MACROD2: variants seen among roughly 807,000 people sequenced by gnomAD.
MACROD2 encodes mono-ADP ribosylhydrolase 2.
Under a neutral mutation model 70.4 loss-of-function variants are expected in MACROD2, and 36 were observed. The observed-to-expected ratio is 0.51, with a 90% CI of 0.39 to 0.68. MACROD2 has a LOEUF of 0.68. Ranked by LOEUF, MACROD2 falls within the 30% of genes least tolerant of loss-of-function variation. The pLI, the probability that MACROD2 is intolerant of heterozygous loss-of-function variation, is 0.00. For missense variants in MACROD2, 496 were observed against 538.4 expected (o/e 0.92, Z 0.78); for synonymous variants, 172 against 178.8 (o/e 0.96, Z 0.30).
chr20:14,438,558 G>A (rs1018547202), intron 3 of MACROD2, among the ~76,000 whole-genome samples: 8 of 152,120 alleles, frequency 5.3e-5, no homozygotes, highest in African/African-American at 1.4e-4. Flanking sequence ...TTTTCTCCAC[G>A]CCCTTACCAA....
chr20:15,544,004 G>A (rs928388433), intron 8 of MACROD2, among the ~76,000 whole-genome samples: 4 of 152,330 alleles, frequency 2.6e-5, no homozygotes, highest in South Asian at 2.1e-4. Flanking sequence ...GCTGAGCACA[G>A]CATCAAGGGG....
chr20:14,398,339 T>C (rs2083601893), intron 3 of MACROD2, among the ~76,000 whole-genome samples: 1 of 152,044 alleles, frequency 6.6e-6, no homozygotes, highest in Non-Finnish European at 1.5e-5. Context: ...TTTTCTATAA[T>C]GGCCATACTA....
intron 4 of MACROD2, among the ~76,000 whole-genome samples, chr20:14,507,523 G>A (rs1205125347): frequency 1.3e-5 from 2 of 152,114 alleles, no homozygotes; most frequent in Non-Finnish European, 2.9e-5. Flanking sequence ...AAATGGCCAA[G>A]TTAATGTTAT....
At chr20:15,379,227 G>A (rs763867715) in intron 6 of MACROD2, among the ~76,000 whole-genome samples, 17 of 152,250 alleles carry the variant, frequency 1.1e-4, no homozygotes, top group Admixed American at 4.6e-4. Flanking sequence ...CTAAAGTTTA[G>A]GAAGTGGATA....
chr20:15,203,205 A>C (rs760574016), intron 5 of MACROD2, among the ~76,000 whole-genome samples: 1 of 152,204 alleles, frequency 6.6e-6, no homozygotes, highest in Non-Finnish European at 1.5e-5. Flanking sequence ...CAAATCTTAC[A>C]TCGCAAATTA....
intron 8 of MACROD2, among the ~76,000 whole-genome samples, chr20:15,621,333 C>G (rs554285053): frequency 2.4e-4 from 37 of 152,192 alleles, no homozygotes; most frequent in Non-Finnish European, 5.0e-4. Context: ...AAGTTCCTAA[C>G]TAGCCATAGC....
intron 2 of MACROD2, among the ~76,000 whole-genome samples, chr20:14,067,123 G>GTTTTTTTTTTTT (rs544348706): frequency 1.2e-5 from 1 of 85,048 alleles, no homozygotes; most frequent in African/African-American, 4.7e-5. Flanking sequence ...ATTTTTTAGT[G>GTTTTTTTTTTTT]TTTTTTTTTT....
intron 13 of MACROD2, among the ~76,000 whole-genome samples, chr20:15,983,177 C>G (rs1001369781): frequency 6.6e-6 from 1 of 152,146 alleles, no homozygotes; most frequent in African/African-American, 2.4e-5. Context: ...TGACTTAAAT[C>G]CTGTAACTAT....
chr20:15,131,833 C>T (rs2076107897), intron 5 of MACROD2, among the ~76,000 whole-genome samples: 1 of 151,728 alleles, frequency 6.6e-6, no homozygotes, highest in African/African-American at 2.4e-5. Flanking sequence ...GAATGTAAAA[C>T]ATAAGAAGTT....
chr20:15,309,028 T>C (rs542016841), intron 6 of MACROD2, among the ~76,000 whole-genome samples: 2 of 152,328 alleles, frequency 1.3e-5, no homozygotes, highest in East Asian at 3.9e-4. Context: ...CAAAGCAATG[T>C]GGTAACAGGC....
intron 8 of MACROD2, among the ~76,000 whole-genome samples, chr20:15,672,234 T>C (rs1354573300): frequency 1.3e-5 from 2 of 152,104 alleles, no homozygotes; most frequent in Non-Finnish European, 2.9e-5. Flanking sequence ...TATATTAGCT[T>C]TGGATCCAGG....
At chr20:14,762,218 A>C (rs771835576) in intron 5 of MACROD2, among the ~76,000 whole-genome samples, 3 of 152,068 alleles carry the variant, frequency 2.0e-5, no homozygotes, top group Non-Finnish European at 4.4e-5. Context: ...TCATGCTTTC[A>C]GCACAACCCT....
chr20:15,449,170 T>C (rs1239353479), intron 7 of MACROD2, among the ~76,000 whole-genome samples: 1 of 152,144 alleles, frequency 6.6e-6, no homozygotes, highest in Non-Finnish European at 1.5e-5. Context: ...ACCTGTTCCA[T>C]GGAACATACT....
At chr20:14,657,251 C>CA in intron 4 of MACROD2, among the ~76,000 whole-genome samples, 1 of 152,292 alleles carries the variant, frequency 6.6e-6, no homozygotes, top group Non-Finnish European at 1.5e-5. Flanking sequence ...AGTTAGCATC[C>CA]GCTTCTAAGC....
intron 5 of MACROD2, among the ~76,000 whole-genome samples, chr20:14,896,101 C>T (rs1288332918): frequency 6.6e-6 from 1 of 152,098 alleles, no homozygotes; most frequent in African/African-American, 2.4e-5. Flanking sequence ...TCGAGACCAG[C>T]CTGGCCAACA....
chr20:14,951,417 G>A (rs910035540), intron 5 of MACROD2, among the ~76,000 whole-genome samples: 1 of 152,100 alleles, frequency 6.6e-6, no homozygotes, highest in Admixed American at 6.6e-5. Flanking sequence ...TGATCAATGA[G>A]TAATGGCTTC....
At chr20:15,799,507 T>A (rs1172899834) in intron 8 of MACROD2, among the ~76,000 whole-genome samples, 1 of 152,164 alleles carries the variant, frequency 6.6e-6, no homozygotes, top group African/African-American at 2.4e-5. Flanking sequence ...ATAAGATTAA[T>A]TTTTTAGCTT....
intron 10 of MACROD2, among the ~76,000 whole-genome samples, chr20:15,903,087 G>GTT (rs1163587882): frequency 6.6e-6 from 1 of 152,172 alleles, no homozygotes; most frequent in Admixed American, 6.5e-5. Flanking sequence ...AGAGGAAACA[G>GTT]TAAGTGGGCC....
chr20:14,274,589 GAC>G (rs2082232090), intron 3 of MACROD2, among the ~76,000 whole-genome samples: 1 of 152,060 alleles, frequency 6.6e-6, no homozygotes. Context: ...ACTGGCACAA[GAC>G]AGGGATGCCC....
Sources: gnomAD v4.1 joint callset for allele counts (sites outside exome capture counted in the v4.1 genomes callset) on GRCh38, gnomAD v4.1.1 for gene constraint, MANE v1.5 for transcripts, NCBI Gene and HGNC (gene_info 2026-07-23, HGNC 2026-07-21) for gene names.